CACNA2D1: variants seen among roughly 807,000 people sequenced by gnomAD.
CACNA2D1 encodes calcium voltage-gated channel auxiliary subunit alpha2delta 1.
A neutral mutation model predicts 171.5 loss-of-function variants in CACNA2D1; 53 were observed. That is an observed-to-expected ratio of 0.31 (90% CI 0.25 to 0.39). The LOEUF is 0.39. CACNA2D1 is among the 10% of genes least tolerant of loss of function. The pLI, the probability that CACNA2D1 is intolerant of heterozygous loss-of-function variation, is 1.00. For missense variants in CACNA2D1, 903 were observed against 1,299.8 expected, an observed-to-expected ratio of 0.69 and a Z score of 4.69; for synonymous variants, 442 against 443.1, an observed-to-expected ratio of 1.00 and a Z score of 0.03.
At chr7:82,241,669 C>T (rs1042689540) in intron 3 of CACNA2D1, among the ~76,000 whole-genome samples, 1 of 150,828 alleles carries the variant, frequency 6.6e-6, no homozygotes, top group East Asian at 2.0e-4. Context: ...AAGAGAAAGA[C>T]AGTATGTATA....
intron 3 of CACNA2D1, among the ~76,000 whole-genome samples, chr7:82,187,684 A>G (rs1192501999): frequency 6.6e-6 from 1 of 152,200 alleles, no homozygotes; most frequent in African/African-American, 2.4e-5. Context: ...ATGCAGATTT[A>G]TTCATCACCT....
chr7:82,081,077 T>TA (rs1349161274), intron 7 of CACNA2D1, among the ~76,000 whole-genome samples: 10 of 152,190 alleles, frequency 6.6e-5, no homozygotes, highest in African/African-American at 2.4e-4. Context: ...TTCTCACAGC[T>TA]AGCAGGGAGA....
chr7:82,431,123 C>T (rs1829637503), intron 1 of CACNA2D1, among the ~76,000 whole-genome samples: 1 of 152,100 alleles, frequency 6.6e-6, no homozygotes, highest in African/African-American at 2.4e-5. Flanking sequence ...TACACTCCAC[C>T]GCATCTCTTT....
chr7:82,033,819 TCTTAA>T (rs763106754), intron 11 of CACNA2D1, among the ~76,000 whole-genome samples: 5 of 152,092 alleles, frequency 3.3e-5, no homozygotes, highest in Non-Finnish European at 7.4e-5. Flanking sequence ...AAAATTATTA[TCTTAA>T]CTTTTCTACT....
intron 6 of CACNA2D1, among the ~76,000 whole-genome samples, chr7:82,096,331 C>G (rs1002764627): frequency 6.6e-6 from 1 of 152,078 alleles, no homozygotes; most frequent in African/African-American, 2.4e-5. Flanking sequence ...GACTCCTATA[C>G]CCGAGCTCCA....
intron 37 of CACNA2D1, 34 bp from the exon 38 acceptor site, chr7:81,959,391 T>C (rs1010466152): frequency 2.9e-6 from 4 of 1,393,750 alleles, no homozygotes; most frequent in Non-Finnish European, 4.1e-6. Flanking sequence ...CTCATGTTAG[T>C]TTTTTTCACA....
intron 19 of CACNA2D1, among the ~76,000 whole-genome samples, chr7:81,996,448 C>T (rs1798055669): frequency 6.6e-6 from 1 of 151,834 alleles, no homozygotes; most frequent in African/African-American, 2.4e-5. Flanking sequence ...GTTAATCCAT[C>T]TGGAAAAATC....
chr7:82,138,444 TTTTTG>T (rs1225404685), intron 4 of CACNA2D1, among the ~76,000 whole-genome samples: 3,242 of 59,220 alleles, frequency 0.055, 256 homozygotes, highest in South Asian at 0.082. Context: ...TTTTTTGTTT[TTTTTG>T]TTTTTTTTTT....
intron 1 of CACNA2D1, among the ~76,000 whole-genome samples, chr7:82,401,440 G>A (rs1047524038): frequency 6.7e-6 from 1 of 150,092 alleles, no homozygotes; most frequent in Non-Finnish European, 1.5e-5. Context: ...ATCATTCTCA[G>A]TAAACTATCG....
intron 23 of CACNA2D1, chr7:81,982,860 G>A (rs1584283241): frequency 3.4e-6 from 2 of 589,388 alleles, no homozygotes; most frequent in Non-Finnish European, 6.0e-6. Context: ...TTATTTCAAA[G>A]AAAATGCTAT....
intron 2 of CACNA2D1, among the ~76,000 whole-genome samples, 186 bp from the exon 3 acceptor site, chr7:82,335,437 C>G (rs527423545): frequency 3.5e-4 from 54 of 152,214 alleles, no homozygotes; most frequent in Non-Finnish European, 6.2e-4. Flanking sequence ...TCTAGGACCA[C>G]CAGCTTGCCA....
At chr7:82,256,444 A>T (rs1041416056) in intron 3 of CACNA2D1, among the ~76,000 whole-genome samples, 5 of 152,226 alleles carry the variant, frequency 3.3e-5, no homozygotes, top group African/African-American at 1.2e-4. Flanking sequence ...ATTCATTGTG[A>T]GTATTATCTA....
intron 2 of CACNA2D1, among the ~76,000 whole-genome samples, chr7:82,348,590 C>A (rs1197409188): frequency 6.6e-6 from 1 of 152,118 alleles, no homozygotes; most frequent in Non-Finnish European, 1.5e-5. Flanking sequence ...ACACTCTCTA[C>A]AGTTGTTTTA....
chr7:82,180,594 G>T (rs1269399687), intron 3 of CACNA2D1, among the ~76,000 whole-genome samples: 3 of 142,542 alleles, frequency 2.1e-5, no homozygotes, highest in Non-Finnish European at 1.6e-5. Flanking sequence ...AAACTCTATT[G>T]AGAGTGGCCA....
chr7:82,217,648 A>ACACACACACG (rs1801295576), intron 3 of CACNA2D1, among the ~76,000 whole-genome samples: 1 of 150,912 alleles, frequency 6.6e-6, no homozygotes, highest in African/African-American at 2.4e-5. Context: ...ACACACACAC[A>ACACACACACG]CACACACACA....
intron 24 of CACNA2D1, among the ~76,000 whole-genome samples, chr7:81,979,046 C>T (rs931391457): frequency 1.4e-4 from 21 of 151,878 alleles, no homozygotes; most frequent in African/African-American, 3.6e-4. Context: ...TTGAAAACAT[C>T]ATGCTACGTG....
In CACNA2D1 at chr7:81,950,251, C is replaced by T. The variant is rs946779224; in HGVS notation, c.*141G>A. ...AGCCAGTGGGTGCCTTAGGAGTCTGCGCCTTAGTGTTATGCCATGGAACAG... is the reference window on the plus strand; with the variant it reads ...AGCCAGTGGGTGCCTTAGGAGTCTGTGCCTTAGTGTTATGCCATGGAACAG... On this transcript the variant is annotated 3_prime_UTR_variant, in exon 39 of 39. Coordinates refer to ENST00000356860, the MANE Select transcript of CACNA2D1 (RefSeq NM_000722.4). 26 of 1,489,968 alleles carry T rather than the reference C, an allele frequency of 1.7e-5. No homozygotes were observed. The East Asian group carries it at 3.0e-4, about 17-fold the overall frequency. 92.3% of individuals were successfully genotyped at this position (1,489,968 alleles called of 1,614,324 possible).
intron 3 of CACNA2D1, among the ~76,000 whole-genome samples, chr7:82,324,784 T>G (rs1188872409): frequency 1.3e-5 from 2 of 152,164 alleles, no homozygotes; most frequent in African/African-American, 2.4e-5. Flanking sequence ...AAAATTCTGA[T>G]AGCCTATTAT....
chr7:82,227,807 C>A (rs1388768499), intron 3 of CACNA2D1, among the ~76,000 whole-genome samples: 1 of 152,110 alleles, frequency 6.6e-6, no homozygotes, highest in African/African-American at 2.4e-5. Flanking sequence ...GTATCCAATA[C>A]TCAAACACAT....
Sources: gnomAD v4.1 joint callset for allele counts (sites outside exome capture counted in the v4.1 genomes callset) on GRCh38, gnomAD v4.1.1 for gene constraint, MANE v1.5 for transcripts, NCBI Gene and HGNC (gene_info 2026-07-23, HGNC 2026-07-21) for gene names.